Variants in GRIN2A observed in about 807,000 individuals in gnomAD.
The protein encoded by GRIN2A is glutamate receptor ionotropic, NMDA 2A.
A neutral mutation model predicts 113.4 loss-of-function variants in GRIN2A; 22 were observed. The ratio of observed to expected loss-of-function variants is 0.19; its 90% CI spans 0.14 to 0.28. GRIN2A has a LOEUF of 0.28. GRIN2A is among the 10% of genes least tolerant of loss of function. GRIN2A has a pLI of 1.00. For synonymous variants in GRIN2A, 827 were observed against 738.4 expected (o/e 1.12, Z -1.94); for missense variants, 1,502 against 1,887.0 (o/e 0.80, Z 3.78).
chr16:10,009,201 A>G (rs7201574), intron 2 of GRIN2A, among the ~76,000 whole-genome samples: 22,011 of 152,242 alleles, frequency 0.14, 1,646 homozygotes, highest in Middle Eastern at 0.18. Context: ...AGAAACAGCA[A>G]TTCCTCCAGG....
At chr16:10,086,605 C>CAAAAAA (rs3033377) in intron 2 of GRIN2A, among the ~76,000 whole-genome samples, 2 of 99,724 alleles carry the variant, frequency 2.0e-5, no homozygotes. Context: ...GGAGCAGCTC[C>CAAAAAA]AAAAAAAAAA....
chr16:10,070,184 C>A (rs2047723111), intron 2 of GRIN2A, among the ~76,000 whole-genome samples: 1 of 152,154 alleles, frequency 6.6e-6, no homozygotes, highest in Non-Finnish European at 1.5e-5. Context: ...GACATGGGTC[C>A]CCGAGATGCC....
chr16:9,840,576 C>T (rs1039181131), intron 7 of GRIN2A, 71 bp downstream of exon 7: 1 of 1,403,474 alleles, frequency 7.1e-7, no homozygotes, highest in Non-Finnish European at 1.0e-6. Flanking sequence ...TTTCTGGTCC[C>T]ATCCTCTGAG....
chr16:10,044,779 G>A (rs574331368), intron 2 of GRIN2A, among the ~76,000 whole-genome samples: 4 of 151,876 alleles, frequency 2.6e-5, no homozygotes, highest in Admixed American at 1.3e-4. Context: ...TCATGTGTTC[G>A]AATCTGATTC....
At chr16:10,115,190 A>G (rs1018372717) in intron 2 of GRIN2A, among the ~76,000 whole-genome samples, 1 of 152,072 alleles carries the variant, frequency 6.6e-6, no homozygotes, top group African/African-American at 2.4e-5. Flanking sequence ...TTTGTGTAGA[A>G]TACATGGACT....
intron 2 of GRIN2A, among the ~76,000 whole-genome samples, chr16:9,944,662 C>A (rs750306286): frequency 6.6e-6 from 1 of 152,156 alleles, no homozygotes; most frequent in Non-Finnish European, 1.5e-5. Flanking sequence ...TTCAGACTGA[C>A]AATTCTTGAG....
intron 2 of GRIN2A, among the ~76,000 whole-genome samples, chr16:10,073,050 A>G (rs62033411): frequency 6.9e-6 from 1 of 144,122 alleles, no homozygotes; most frequent in Non-Finnish European, 1.5e-5. Context: ...CCTCCTCCCT[A>G]GTTCAAGAGA....
intron 2 of GRIN2A, among the ~76,000 whole-genome samples, chr16:10,162,904 G>A (rs1037284935): frequency 1.3e-5 from 2 of 152,184 alleles, no homozygotes; most frequent in African/African-American, 4.8e-5. Flanking sequence ...TATTTCGGAG[G>A]AGGGAAGGAA....
chr16:9,940,622 G>C (rs565793549), intron 2 of GRIN2A, among the ~76,000 whole-genome samples: 1 of 152,208 alleles, frequency 6.6e-6, no homozygotes, highest in South Asian at 2.1e-4. Context: ...GACTGTCCTT[G>C]GTTAAGACCA....
chr16:10,039,788 GA>G (rs200819249), intron 2 of GRIN2A, among the ~76,000 whole-genome samples: 1 of 86,936 alleles, frequency 1.2e-5, no homozygotes, highest in African/African-American at 4.6e-5. Flanking sequence ...GGGGGAGGGG[GA>G]GGGGGAGGGG....
intron 11 of GRIN2A, among the ~76,000 whole-genome samples, chr16:9,790,814 C>A (rs1461050652): frequency 6.6e-6 from 1 of 152,170 alleles, no homozygotes; most frequent in Non-Finnish European, 1.5e-5. Flanking sequence ...TTTTCTAATT[C>A]ATTCATTTGT....
intron 2 of GRIN2A, among the ~76,000 whole-genome samples, chr16:10,021,748 T>C (rs923267864): frequency 6.6e-6 from 1 of 151,400 alleles, no homozygotes; most frequent in African/African-American, 2.4e-5. Flanking sequence ...GTCTCCCCTG[T>C]CAGGGGAGAC....
intron 5 of GRIN2A, among the ~76,000 whole-genome samples, chr16:9,846,342 T>C (rs1255344267): frequency 6.6e-6 from 1 of 152,172 alleles, no homozygotes; most frequent in African/African-American, 2.4e-5. Flanking sequence ...CCATGATGTA[T>C]TCAGGATTTC....
chr16:9,875,290 G>C (rs759888447), intron 4 of GRIN2A, among the ~76,000 whole-genome samples: 19 of 152,038 alleles, frequency 1.2e-4, no homozygotes, highest in Non-Finnish European at 2.6e-4. Flanking sequence ...TCAGAGTCTA[G>C]AAAGCACATT....
At chr16:10,166,584 G>A (rs1209514931) in intron 2 of GRIN2A, among the ~76,000 whole-genome samples, 1 of 152,112 alleles carries the variant, frequency 6.6e-6, no homozygotes, top group Non-Finnish European at 1.5e-5. Flanking sequence ...CCATGGTCCC[G>A]TGAATACAAT....
intron 2 of GRIN2A, among the ~76,000 whole-genome samples, chr16:10,114,586 T>C (rs1335915288): frequency 6.6e-6 from 1 of 152,156 alleles, no homozygotes; most frequent in Non-Finnish European, 1.5e-5. Flanking sequence ...AGGAAGTGAA[T>C]AGCTAGTTTG....
chr16:10,091,932 T>TAA, intron 2 of GRIN2A, among the ~76,000 whole-genome samples: 1 of 152,328 alleles, frequency 6.6e-6, no homozygotes, highest in African/African-American at 2.4e-5. Flanking sequence ...CTAAAATTTA[T>TAA]TTGGGGTGAT....
intron 2 of GRIN2A, among the ~76,000 whole-genome samples, chr16:9,963,435 C>G (rs1322722029): frequency 1.3e-5 from 2 of 151,954 alleles, no homozygotes; most frequent in Middle Eastern, 3.2e-3. Flanking sequence ...CTCCTCTTGC[C>G]CCCCACCCCT....
intron 3 of GRIN2A, among the ~76,000 whole-genome samples, chr16:9,901,717 C>T (rs2043929060): frequency 6.6e-6 from 1 of 152,208 alleles, no homozygotes. Context: ...TCCCAAAGTG[C>T]TGGGATTACA....
Sources: allele counts gnomAD v4.1 joint callset (sites outside exome capture counted in the v4.1 genomes callset), GRCh38; gene constraint gnomAD v4.1.1; transcripts MANE v1.5; gene names NCBI Gene and HGNC (gene_info 2026-07-23, HGNC 2026-07-21).